Variants in DZIP3 observed in about 807,000 individuals in gnomAD.
DZIP3 encodes the protein DAZ interacting zinc finger protein 3.
DZIP3 carries 118 observed loss-of-function variants against 162.0 expected under a neutral mutation model. The observed-to-expected ratio is 0.73, with a 90% CI of 0.63 to 0.85. DZIP3 has a LOEUF of 0.85. Among genes scored for constraint, DZIP3 ranks in the 40% least tolerant of loss-of-function variants. The pLI is 0.00. For missense variants in DZIP3, 1,331 were observed against 1,407.0 expected, an observed-to-expected ratio of 0.95 and a Z score of 0.86; for synonymous variants, 438 against 458.6, an observed-to-expected ratio of 0.96 and a Z score of 0.57.
chr3:108,611,380 A>G lies in DZIP3; in HGVS notation c.258+51A>G, dbSNP rs530321263. The G allele has an allele frequency of 1.9e-6, 3 of 1,584,894 alleles. No individual in the cohort carries two copies. In the East Asian group the frequency reaches 6.8e-5, roughly 36 times the overall value. On this transcript the variant is annotated intron_variant, in intron 4 of 32. Transcript: ENST00000361582. ...GCAGAAGTGCAGCTGTCTGTATATG[A>G]CTTTTTTAATTAAAATTCTTTTTAA...
chr3:108,619,216 G>A (rs1941193408), intron 5 of DZIP3, among the ~76,000 whole-genome samples: 2 of 151,836 alleles, frequency 1.3e-5, no homozygotes, highest in Non-Finnish European at 2.9e-5. Flanking sequence ...TCAATATAGA[G>A]CTTATGAGCA....
chr3:108,620,891 G>A (rs1941298337), intron 5 of DZIP3, among the ~76,000 whole-genome samples: 1 of 152,032 alleles, frequency 6.6e-6, no homozygotes, highest in Admixed American at 6.6e-5. Context: ...GCACGATCTC[G>A]GCTCACTGCA....
chr3:108,619,755 GA>G (rs1941227856), intron 5 of DZIP3, among the ~76,000 whole-genome samples: 4 of 152,076 alleles, frequency 2.6e-5, no homozygotes, highest in African/African-American at 7.2e-5. Context: ...GACACACCCA[GA>G]AACAATATTT....
At chr3:108,596,174 G>A (rs557046386) in intron 1 of DZIP3, among the ~76,000 whole-genome samples, 55 of 152,268 alleles carry the variant, frequency 3.6e-4, no homozygotes, top group Non-Finnish European at 6.0e-4. Flanking sequence ...GACCATGAGC[G>A]TTTATTTCTT....
chr3:108,664,214 G>A (rs1480611577), intron 21 of DZIP3, among the ~76,000 whole-genome samples: 2 of 152,158 alleles, frequency 1.3e-5, no homozygotes, highest in African/African-American at 4.8e-5. Flanking sequence ...AGCACAGGGG[G>A]AGAAAAGCCT....
intron 26 of DZIP3, among the ~76,000 whole-genome samples, chr3:108,683,353 C>T (rs890277133): frequency 6.9e-6 from 1 of 144,026 alleles, no homozygotes; most frequent in Non-Finnish European, 1.5e-5. Context: ...ACTCAAATGC[C>T]AGTCCAGTCT....
intron 25 of DZIP3, among the ~76,000 whole-genome samples, chr3:108,676,207 T>G (rs1375752916): frequency 2.0e-5 from 3 of 152,064 alleles, no homozygotes; most frequent in Non-Finnish European, 4.4e-5. Context: ...CCCAGCATTT[T>G]GGGAGCCAAG....
chr3:108,626,730 A>G (rs1467926697), intron 7 of DZIP3, among the ~76,000 whole-genome samples: 1 of 152,218 alleles, frequency 6.6e-6, no homozygotes, highest in Non-Finnish European at 1.5e-5. Flanking sequence ...TATAGATCTT[A>G]ATCAACTAAT....
At chr3:108,674,335 C>T (rs1325360840) in intron 24 of DZIP3, among the ~76,000 whole-genome samples, 154 bp downstream of exon 24, 3 of 150,916 alleles carry the variant, frequency 2.0e-5, no homozygotes, top group East Asian at 1.9e-4. Context: ...TCATTTTTTT[C>T]CCCCTGAAAT....
intron 9 of DZIP3, among the ~76,000 whole-genome samples, chr3:108,633,695 G>T: frequency 1.6e-5 from 2 of 124,642 alleles, no homozygotes; most frequent in Non-Finnish European, 1.7e-5. Flanking sequence ...TCTCTCTCTG[G>T]ATCTATCAGA....
intron 25 of DZIP3, among the ~76,000 whole-genome samples, chr3:108,676,235 G>A (rs900048527): frequency 6.6e-6 from 1 of 152,036 alleles, no homozygotes; most frequent in Non-Finnish European, 1.5e-5. Flanking sequence ...GATCACTTGA[G>A]CCAGGTGCTC....
Position 108,637,561 on chromosome 3 carries a change from T to C in DZIP3, c.1064+13T>C, listed in dbSNP as rs1184991681. 1.2e-6 allele frequency: 2 copies of C among 1,602,348 alleles called. No individual in the cohort carries two copies. The highest frequency in any genetic ancestry group is 1.3e-5 in the African/African-American group (1 of 74,578). The stretch of plus-strand genomic sequence containing the variant: ...ATTTAGGAGCAAGGTAAGCTTAAAA[T>C]AAAATACTCTGTTACCTTTTTTGGA... On this transcript the variant is annotated intron_variant, in intron 12 of 32. Transcript: ENST00000361582.
At chr3:108,630,925 T>G (rs1209434450) in intron 8 of DZIP3, among the ~76,000 whole-genome samples, 4 of 151,454 alleles carry the variant, frequency 2.6e-5, no homozygotes. Flanking sequence ...AAAGAAATAC[T>G]GCTATTTAAA....
At chr3:108,655,189 T>C in intron 19 of DZIP3, among the ~76,000 whole-genome samples, 1 of 152,196 alleles carries the variant, frequency 6.6e-6, no homozygotes, top group Middle Eastern at 3.2e-3. Context: ...AAAAAGTTTA[T>C]TCATTTATTC....
chr3:108,617,219 A>G (rs562602067), intron 5 of DZIP3, among the ~76,000 whole-genome samples: 1 of 152,204 alleles, frequency 6.6e-6, no homozygotes, highest in South Asian at 2.1e-4. Flanking sequence ...AGTTAATAAC[A>G]ATGTATTATA....
rs142583385 is a variant in DZIP3, at chr3:108,664,571, A to T, written c.2423+2314A>T. On this transcript the variant is annotated intron_variant, in intron 21 of 32. Transcript: ENST00000361582. Reference sequence around the variant, plus strand: ...ACTTAAGCCAGTCTGAGACAAAACTAGTCAATACTAGGCTTCATCCTTACT... The same window carrying T: ...ACTTAAGCCAGTCTGAGACAAAACTTGTCAATACTAGGCTTCATCCTTACT... 9.7e-3 allele frequency among the ~76,000 whole-genome samples: 1,477 copies of T among 152,332 alleles called. 19 individuals carry two copies. The highest frequency in any genetic ancestry group is 0.034 in the African/African-American group (1,400 of 41,574).
intron 1 of DZIP3, among the ~76,000 whole-genome samples, chr3:108,596,739 C>CT (rs1477176986): frequency 6.6e-6 from 1 of 152,170 alleles, no homozygotes; most frequent in Non-Finnish European, 1.5e-5. Context: ...ATATTGAGTG[C>CT]TTAACGTGTG....
At chr3:108,645,632 T>C (rs1942589595) in intron 14 of DZIP3, among the ~76,000 whole-genome samples, 1 of 152,166 alleles carries the variant, frequency 6.6e-6, no homozygotes, top group South Asian at 2.1e-4. Context: ...TCTCAAGTTA[T>C]TTACAGCCTA....
In DZIP3 at chr3:108,637,492, G is replaced by A. The variant is rs1445045188; in HGVS notation, c.1012-4G>A. 1.9e-6 allele frequency: 3 copies of A among 1,608,686 alleles called. No homozygotes were observed. Among genetic ancestry groups the A allele is most frequent in the Non-Finnish European group, 2.5e-6 (3 of 1,178,022 alleles). ...GGGCTATTTTTTTTCCCCATTACTT[G>A]CAGTTTGAAGTTGTGAGAAAGGATG... On this transcript the variant is annotated splice_region_variant and splice_polypyrimidine_tract_variant and intron_variant, in intron 11 of 32. Transcript: ENST00000361582.
Sources: gnomAD v4.1 joint callset for allele counts (sites outside exome capture counted in the v4.1 genomes callset) on GRCh38, gnomAD v4.1.1 for gene constraint, MANE v1.5 for transcripts, NCBI Gene and HGNC (gene_info 2026-07-23, HGNC 2026-07-21) for gene names.